Variants in MLXIP observed in about 807,000 individuals in gnomAD.
MLXIP encodes the protein MLX-interacting protein.
Under a neutral mutation model 87.2 loss-of-function variants are expected in MLXIP, and 30 were observed. The observed-to-expected ratio is 0.34, with a 90% CI of 0.26 to 0.47. The LOEUF (loss-of-function observed/expected upper bound fraction) is 0.47. MLXIP is among the 20% of genes least tolerant of loss of function. The probability of loss-of-function intolerance (pLI) is 1.00; values close to 1 mark genes in which losing one functional copy is unlikely to be tolerated. For synonymous variants in MLXIP, 530 were observed against 514.0 expected (o/e 1.03, Z -0.42); for missense variants, 1,002 against 1,240.1 (o/e 0.81, Z 2.88).
At position 122,127,109 on chromosome 12, in the gene MLXIP, C is replaced by A. The variant is rs1428181797; in HGVS notation, c.414-147C>A. On this transcript the variant is annotated intron_variant, in intron 1 of 16. Coordinates refer to ENST00000319080, the MANE Select transcript of MLXIP (RefSeq NM_014938.6). ...CCCTGTGTGGCTCTGAAGAAATCCC[C>A]CAGTGACCTGAATTCCATGAAGCCG... The A allele has an allele frequency of 1.7e-5, 12 of 706,950 alleles. No individual in the cohort carries two copies. In the African/African-American group the frequency reaches 1.9e-4, roughly 11 times the overall value. 43.8% of individuals were successfully genotyped at this position (706,950 alleles called of 1,614,324 possible).
chr12:122,093,611 TGTGTGTGTG>T (rs1323109873), intron 1 of MLXIP, among the ~76,000 whole-genome samples: 1 of 128,584 alleles, frequency 7.8e-6, no homozygotes, highest in Non-Finnish European at 1.6e-5. Flanking sequence ...GTGTTTGTGG[TGTGTGTGTG>T]GTGTGTGTGT....
At position 122,137,285 on chromosome 12, in the gene MLXIP, T is replaced by TAAAA; in HGVS notation, c.2033-182_2033-181insAAAA. On this transcript the variant is annotated intron_variant, in intron 11 of 16. Coordinates refer to ENST00000319080, the MANE Select transcript of MLXIP (RefSeq NM_014938.6). This position sits in a 1 kb window ranked among gnomAD's most constrained non-coding sequence, Gnocchi z 4.1. The stretch of plus-strand genomic sequence containing the variant: ...TTAAGGGTGTTTTTGTTGTTGTTAT[T>TAAAA]AATTTAAGATTTTCAGGGAGTGAAT... The TAAAA allele has an allele frequency of 1.8e-6, 1 of 568,532 alleles. No homozygotes were observed. The highest frequency in any genetic ancestry group is 2.9e-6 in the Non-Finnish European group (1 of 348,220). 35.2% of individuals were successfully genotyped at this position (568,532 alleles called of 1,614,324 possible).
At chr12:122,132,487 AC>A in intron 8 of MLXIP, 104 bp downstream of exon 8, 1 of 893,158 alleles carries the variant, frequency 1.1e-6, no homozygotes, top group Non-Finnish European at 1.8e-6. Flanking sequence ...CCACACAGTC[AC>A]CAGCAAAGCG....
In MLXIP at chr12:122,135,903, C is replaced by T. The variant is rs985188228; in HGVS notation, c.2032+237C>T. Reference sequence around the variant, plus strand: ...TGAACATGTGGCAGTGTAGGTGACCCGTGTGCTCGGGGAGTCCCTGCTGAC... The same window carrying T: ...TGAACATGTGGCAGTGTAGGTGACCTGTGTGCTCGGGGAGTCCCTGCTGAC... On this transcript the variant is annotated intron_variant, in intron 11 of 16. Transcript: ENST00000319080. This position sits in a 1 kb window ranked among gnomAD's most constrained non-coding sequence, Gnocchi z 5.3. The T allele has an allele frequency of 1.4e-5, 7 of 501,958 alleles. No individual in the cohort carries two copies. Among genetic ancestry groups the T allele is most frequent in the South Asian group, 6.3e-5 (2 of 31,532 alleles). 31.1% of individuals were successfully genotyped at this position (501,958 alleles called of 1,614,324 possible).
At chr12:122,120,728 A>C (rs1481852155) in intron 1 of MLXIP, among the ~76,000 whole-genome samples, 1 of 152,084 alleles carries the variant, frequency 6.6e-6, no homozygotes, top group Non-Finnish European at 1.5e-5. Context: ...CCCCCTCTTC[A>C]GGAGCAGGGG....
At chr12:122,114,059 C>T (rs559544972) in intron 1 of MLXIP, among the ~76,000 whole-genome samples, 13 of 147,304 alleles carry the variant, frequency 8.8e-5, no homozygotes, top group Non-Finnish European at 1.6e-4. Context: ...AATCTTGGCT[C>T]ACCGCGCAAC....
At position 122,142,259 on chromosome 12, in the gene MLXIP, CCACTCTCTGGTCTGCCCGTGGGGCA is replaced by C; in HGVS notation, c.*448_*472del. The C allele has an allele frequency of 7.2e-6, 5 of 697,344 alleles. No individual in the cohort carries two copies. In the Admixed American group the frequency reaches 8.0e-5, roughly 11 times the overall value. The allele number at this position is 697,344 out of a possible 1,614,324, so 43.2% of individuals were successfully genotyped here. ...GCATGCCTCTGCCTGATGCCCTGCTCCACTCTCTGGTCTGCCCGTGGGGCAGTTGGAAGGCGTCTTTCTTTCTCCC... is the reference window on the plus strand; with the variant it reads ...GCATGCCTCTGCCTGATGCCCTGCTCGTTGGAAGGCGTCTTTCTTTCTCCC... On this transcript the variant is annotated 3_prime_UTR_variant, in exon 17 of 17. Coordinates refer to ENST00000319080, the MANE Select transcript of MLXIP (RefSeq NM_014938.6).
At position 122,146,424 on chromosome 12, in the gene MLXIP, T is replaced by C. The variant is rs112267002; in HGVS notation, c.*4612T>C. On this transcript the variant is annotated 3_prime_UTR_variant, in exon 17 of 17. Transcript: ENST00000319080. ...CTCCAGGAACGCTGACGAAGGGTTT[T>C]AGGACCCCCACCCCCATGCCTGTAC... 6.6e-6 allele frequency: 1 copy of C among 152,532 alleles called. No individual in the cohort carries two copies. Among genetic ancestry groups the C allele is most frequent in the South Asian group, 2.1e-4 (1 of 4,824 alleles). The allele number at this position is 152,532 out of a possible 1,614,324, so 9.4% of individuals were successfully genotyped here.
rs376475657 is a variant in MLXIP, at chr12:122,138,899, C to T, written c.2469C>T (p.Tyr823=). ...FDHMKDMFDE[Y]VKTRTLQNWK... ...ACATGAAAGACATGTTTGACGAATA[C>T]GTGAAAACCCGGACCTTGCAGAATT... The change falls in exon 15 of 17, where the codon TAC becomes TAT. Residue 823 remains tyrosine, a synonymous_variant. Transcript: ENST00000319080. 14 of 1,613,938 alleles carry T rather than the reference C, an allele frequency of 8.7e-6. No homozygotes were observed. Among genetic ancestry groups the T allele is most frequent in the South Asian group, 5.5e-5 (5 of 91,092 alleles).
intron 1 of MLXIP, among the ~76,000 whole-genome samples, chr12:122,116,511 C>A (rs532004686): frequency 6.6e-6 from 1 of 152,162 alleles, no homozygotes; most frequent in Non-Finnish European, 1.5e-5. Flanking sequence ...TTGCCTCTTG[C>A]AAATCTGGTT....
At chr12:122,101,083 A>T (rs1952428864) in intron 1 of MLXIP, among the ~76,000 whole-genome samples, 1 of 152,208 alleles carries the variant, frequency 6.6e-6, no homozygotes, top group African/African-American at 2.4e-5. Context: ...AGTAAACTCA[A>T]TCAACAGGGC....
At chr12:122,079,605 C>A (rs986989299) in intron 1 of MLXIP, among the ~76,000 whole-genome samples, 14 of 152,254 alleles carry the variant, frequency 9.2e-5, no homozygotes, top group African/African-American at 3.4e-4. Flanking sequence ...TTCCTCCAAA[C>A]GCTTTGTGTG....
At chr12:122,130,968 C>G (rs4758654) in intron 7 of MLXIP, 35 bp downstream of exon 7, 764,227 of 1,413,456 alleles carry the variant, frequency 0.54, 207,275 homozygotes, top group African/African-American at 0.67. Flanking sequence ...ACGGTTGCCT[C>G]CATCTCCCCC....
chr12:122,095,069 G>A (rs1952330040), intron 1 of MLXIP, among the ~76,000 whole-genome samples: 2 of 146,050 alleles, frequency 1.4e-5, no homozygotes, highest in East Asian at 4.1e-4. Context: ...TCTGTGGGGT[G>A]GTGTTGGTGT....
At chr12:122,086,871 G>T (rs1952175463) in intron 1 of MLXIP, among the ~76,000 whole-genome samples, 1 of 152,154 alleles carries the variant, frequency 6.6e-6, no homozygotes, top group Non-Finnish European at 1.5e-5. Flanking sequence ...GCCTTGAAGA[G>T]ACTGACTCTC....
At chr12:122,081,854 T>A (rs1210184348) in intron 1 of MLXIP, among the ~76,000 whole-genome samples, 1 of 152,154 alleles carries the variant, frequency 6.6e-6, no homozygotes, top group Non-Finnish European at 1.5e-5. Flanking sequence ...GCCTAGGTTC[T>A]TTCTAACTTC....
Position 122,084,728 on chromosome 12 carries a change from A to C in MLXIP, c.413+5462A>C, listed in dbSNP as rs1041958165. The stretch of plus-strand genomic sequence containing the variant: ...TGCCCAGCTAAGTTTTTGTATCTTT[A>C]GTAGAGACAGGATTTTGCCATGTTG... On this transcript the variant is annotated intron_variant, in intron 1 of 16. Transcript: ENST00000319080. Among the ~76,000 whole-genome samples, 13 of 152,032 alleles carry C rather than the reference A, an allele frequency of 8.6e-5. No homozygotes were observed. The East Asian group carries it at 2.5e-3, about 29-fold the overall frequency.
At chr12:122,087,700 G>A (rs1952188504) in intron 1 of MLXIP, among the ~76,000 whole-genome samples, 1 of 152,196 alleles carries the variant, frequency 6.6e-6, no homozygotes. Flanking sequence ...GCACTGGGGA[G>A]TACTGGTTTA....
Position 122,130,926 on chromosome 12 carries a change from T to A in MLXIP, c.993T>A (p.Pro331=). ...TGGACTTCATGGACACCTTTGAGCC[T>A]TTCCAGGGTGAGGACCAGAGGCAGA... ...PNLDFMDTFE[P]FQDLFSSSRS... Residue 331 remains proline, a synonymous_variant, in exon 7 of 17, where the codon CCT becomes CCA. Coordinates refer to ENST00000319080, the MANE Select transcript of MLXIP (RefSeq NM_014938.6). The A allele has an allele frequency of 6.2e-7, 1 of 1,612,244 alleles. No homozygotes were observed. The highest frequency in any genetic ancestry group is 8.5e-7 in the Non-Finnish European group (1 of 1,178,304).
Sources: allele counts gnomAD v4.1 joint callset (sites outside exome capture counted in the v4.1 genomes callset), GRCh38; gene constraint gnomAD v4.1.1; non-coding constraint Gnocchi (gnomAD v3.1); transcripts MANE v1.5; gene names NCBI Gene and HGNC (gene_info 2026-07-23, HGNC 2026-07-21).